ZCCHC17: variants seen among roughly 807,000 people sequenced by gnomAD.
ZCCHC17 encodes the protein zinc finger CCHC domain-containing protein 17.
In ZCCHC17, 18 loss-of-function variants were observed where a neutral mutation model predicts 30.6. The observed-to-expected ratio is 0.59, with a 90% CI of 0.41 to 0.87. ZCCHC17 has a LOEUF of 0.87. Ranked by LOEUF, ZCCHC17 falls within the 40% of genes least tolerant of loss-of-function variation. The pLI, the probability that ZCCHC17 is intolerant of heterozygous loss-of-function variation, is 0.00. For missense variants in ZCCHC17, 263 were observed against 284.2 expected (o/e 0.93, Z 0.54); for synonymous variants, 88 against 92.4 (o/e 0.95, Z 0.27).
At chr1:31,302,004 G>C (rs1308870940) in intron 1 of ZCCHC17, among the ~76,000 whole-genome samples, 1 of 152,172 alleles carries the variant, frequency 6.6e-6, no homozygotes, top group Non-Finnish European at 1.5e-5. Flanking sequence ...GAGGCGAGCA[G>C]ATCACTTGAG....
chr1:31,359,823 T>G (rs1431879357), intron 7 of ZCCHC17, among the ~76,000 whole-genome samples: 1 of 152,228 alleles, frequency 6.6e-6, no homozygotes, highest in Non-Finnish European at 1.5e-5. Context: ...TTTAATTTTC[T>G]ATTTCCATCT....
Position 31,309,159 on chromosome 1 carries a change from C to T in ZCCHC17, c.-55-885C>T, listed in dbSNP as rs1646537858. 2.0e-5 allele frequency among the ~76,000 whole-genome samples: 3 copies of T among 152,106 alleles called. No individual in the cohort carries two copies. In the South Asian group the frequency reaches 6.2e-4, roughly 32 times the overall value. ...TTTGAAGTCACTTCAGATTTAATACCTTAGCATAGTAGTTAAGAGAATGGA... is the reference window on the plus strand; with the variant it reads ...TTTGAAGTCACTTCAGATTTAATACTTTAGCATAGTAGTTAAGAGAATGGA... On this transcript the variant is annotated intron_variant, in intron 1 of 7. Transcript: ENST00000344147.
chr1:31,323,062 C>T (rs910943092), intron 3 of ZCCHC17, among the ~76,000 whole-genome samples: 1 of 152,112 alleles, frequency 6.6e-6, no homozygotes, highest in African/African-American at 2.4e-5. Flanking sequence ...TCGTTGATTT[C>T]TCTGTTTCTG....
chr1:31,320,094 A>G (rs1253556082), intron 3 of ZCCHC17, among the ~76,000 whole-genome samples: 1 of 152,176 alleles, frequency 6.6e-6, no homozygotes, highest in Non-Finnish European at 1.5e-5. Context: ...ACTTGGTACT[A>G]TAGTAAAAGA....
In ZCCHC17 at chr1:31,341,850, T is replaced by C. The variant is rs1639058692; in HGVS notation, c.317+2802T>C. On this transcript the variant is annotated intron_variant, in intron 5 of 7. Coordinates refer to ENST00000344147, the MANE Select transcript of ZCCHC17 (RefSeq NM_016505.4). ...GTCTAGTCTATGGTAGACATACATG[T>C]AGCTACTTGTAGTTATTGTTTTAAA... is the stretch of plus-strand genomic sequence containing the variant. 2.0e-5 allele frequency among the ~76,000 whole-genome samples: 3 copies of C among 152,240 alleles called. No individual in the cohort carries two copies. The South Asian group carries it at 6.2e-4, about 31-fold the overall frequency.
intron 7 of ZCCHC17, among the ~76,000 whole-genome samples, chr1:31,351,140 A>G (rs895055894): frequency 7.2e-5 from 11 of 152,068 alleles, no homozygotes; most frequent in Non-Finnish European, 1.3e-4. Context: ...TTTCTATCAT[A>G]TATTATTACC....
At chr1:31,362,501 G>T (rs1569956219) in intron 7 of ZCCHC17, among the ~76,000 whole-genome samples, 1 of 152,148 alleles carries the variant, frequency 6.6e-6, no homozygotes, top group African/African-American at 2.4e-5. Context: ...CTCGTCTTTT[G>T]TATGGGTTTG....
chr1:31,334,557 A>C (rs1467778314), intron 3 of ZCCHC17, among the ~76,000 whole-genome samples: 1 of 152,136 alleles, frequency 6.6e-6, no homozygotes, highest in Non-Finnish European at 1.5e-5. Context: ...ATTATCGAAA[A>C]TAAATGAAAA....
intron 1 of ZCCHC17, among the ~76,000 whole-genome samples, chr1:31,307,774 C>T (rs1395841849): frequency 2.0e-5 from 3 of 151,780 alleles, no homozygotes; most frequent in South Asian, 2.1e-4. Flanking sequence ...GGGGTTTCAC[C>T]GTGTTGGCCA....
At chr1:31,363,109 T>C (rs1268787877) in intron 7 of ZCCHC17, among the ~76,000 whole-genome samples, 1 of 152,204 alleles carries the variant, frequency 6.6e-6, no homozygotes, top group African/African-American at 2.4e-5. Context: ...TTGGTTCTTT[T>C]ACTTAACATG....
intron 5 of ZCCHC17, among the ~76,000 whole-genome samples, chr1:31,341,486 A>T (rs1027036437): frequency 5.9e-5 from 9 of 152,192 alleles, no homozygotes; most frequent in African/African-American, 2.2e-4. Flanking sequence ...TTCTCAGAAA[A>T]TGGGTAGGGA....
At chr1:31,299,332 A>G (rs956190837) in intron 1 of ZCCHC17, among the ~76,000 whole-genome samples, 3 of 152,222 alleles carry the variant, frequency 2.0e-5, no homozygotes, top group African/African-American at 4.8e-5. Flanking sequence ...GCAAGGAAAA[A>G]AAAAATTTTT....
chr1:31,312,418 G>A (rs1569771357), intron 2 of ZCCHC17, among the ~76,000 whole-genome samples: 1 of 152,148 alleles, frequency 6.6e-6, no homozygotes, highest in East Asian at 1.9e-4. Context: ...ATGACCGAAT[G>A]AATTATCAAC....
chr1:31,317,544 T>C (rs1646766003), intron 2 of ZCCHC17, among the ~76,000 whole-genome samples: 1 of 152,180 alleles, frequency 6.6e-6, no homozygotes, highest in African/African-American at 2.4e-5. Context: ...GTGTGCAAGA[T>C]CCTACAGGTG....
chr1:31,308,311 G>T (rs1175173362), intron 1 of ZCCHC17, among the ~76,000 whole-genome samples: 5 of 152,218 alleles, frequency 3.3e-5, no homozygotes, highest in Non-Finnish European at 7.3e-5. Flanking sequence ...GGAGCTTGAG[G>T]ACAGGGATGT....
chr1:31,354,867 C>A (rs1449228219), intron 7 of ZCCHC17, among the ~76,000 whole-genome samples: 2 of 152,074 alleles, frequency 1.3e-5, no homozygotes, highest in Non-Finnish European at 2.9e-5. Flanking sequence ...AATCATTATA[C>A]ATTATTATTT....
chr1:31,309,522 C>T (rs558002239), intron 1 of ZCCHC17, among the ~76,000 whole-genome samples: 2 of 152,140 alleles, frequency 1.3e-5, no homozygotes, highest in East Asian at 3.9e-4. Context: ...GCTATGTTGG[C>T]CAGGCTGGTC....
At chr1:31,356,097 T>G (rs1639635233) in intron 7 of ZCCHC17, among the ~76,000 whole-genome samples, 1 of 152,192 alleles carries the variant, frequency 6.6e-6, no homozygotes, top group Admixed American at 6.5e-5. Context: ...TAGTAACTCA[T>G]GTAAGTTCAG....
intron 1 of ZCCHC17, among the ~76,000 whole-genome samples, chr1:31,307,636 A>T (rs1475204444): frequency 6.6e-6 from 1 of 150,600 alleles, no homozygotes; most frequent in Non-Finnish European, 1.5e-5. Flanking sequence ...GTGCAGTGGC[A>T]CAATCTCGGC....
Sources: allele counts gnomAD v4.1 joint callset (sites outside exome capture counted in the v4.1 genomes callset), GRCh38; gene constraint gnomAD v4.1.1; transcripts MANE v1.5; gene names NCBI Gene and HGNC (gene_info 2026-07-23, HGNC 2026-07-21).